The following UGT1A10 variants were observed in gnomAD, a reference collection of about 807,000 sequenced individuals.
The protein encoded by UGT1A10 is UDP-glucuronosyltransferase 1A10.
In UGT1A10, 49 loss-of-function variants were observed where a neutral mutation model predicts 45.8. That is an observed-to-expected ratio of 1.07 (90% CI 0.85 to 1.36). UGT1A10 has a LOEUF of 1.36. Among genes scored for constraint, UGT1A10 ranks in the 40% most tolerant of loss-of-function variants. The probability of loss-of-function intolerance (pLI) is 0.00; values close to 1 mark genes in which losing one functional copy is unlikely to be tolerated. For missense variants in UGT1A10, 745 were observed against 668.6 expected, an observed-to-expected ratio of 1.11 and a Z score of -1.26; for synonymous variants, 284 against 249.7, an observed-to-expected ratio of 1.14 and a Z score of -1.29.
chr2:233,640,645 T>C (rs959768162), intron 1 of UGT1A10, among the ~76,000 whole-genome samples: 13 of 152,160 alleles, frequency 8.5e-5, no homozygotes, highest in African/African-American at 2.9e-4. Flanking sequence ...GAACAGTCTC[T>C]TTTTTAGGCT....
At chr2:233,771,134 C>T (rs1700244933) in intron 4 of UGT1A10, 1 of 152,302 alleles carries the variant, frequency 6.6e-6, no homozygotes, top group Admixed American at 6.5e-5. Flanking sequence ...CCCCATGATC[C>T]AAACACCTCC....
intron 1 of UGT1A10, among the ~76,000 whole-genome samples, chr2:233,698,291 T>A (rs1387346717): frequency 6.6e-6 from 1 of 152,168 alleles, no homozygotes; most frequent in East Asian, 1.9e-4. Flanking sequence ...TGAAAAAAAA[T>A]GTGTCTTTGG....
intron 1 of UGT1A10, chr2:233,671,769 T>G: frequency 7.3e-7 from 1 of 1,368,374 alleles, no homozygotes; most frequent in Non-Finnish European, 9.6e-7. Flanking sequence ...GCTACTCATA[T>G]ATTCTTGTTC....
At chr2:233,747,217 G>T in intron 1 of UGT1A10, 3 of 1,605,392 alleles carry the variant, frequency 1.9e-6, no homozygotes, top group Non-Finnish European at 1.7e-6. Flanking sequence ...TGCTGAGATG[G>T]CCACAGGACC....
At chr2:233,747,833 C>T (rs1236031323) in intron 1 of UGT1A10, 1 of 1,613,530 alleles carries the variant, frequency 6.2e-7, no homozygotes, top group Non-Finnish European at 8.5e-7. Context: ...ACATGACATT[C>T]CTGCAAAGGG....
chr2:233,729,440 A>G (rs2077859052), intron 1 of UGT1A10: 2 of 1,613,960 alleles, frequency 1.2e-6, no homozygotes, highest in Non-Finnish European at 1.7e-6. Context: ...GAAACAGAAC[A>G]TTTTCTGAAG....
intron 1 of UGT1A10, chr2:233,750,470 T>A (rs1412262508): frequency 6.6e-6 from 1 of 151,972 alleles, no homozygotes; most frequent in Non-Finnish European, 1.5e-5. Context: ...AAATACTGGC[T>A]ATAGAAATTT....
chr2:233,697,431 T>C (rs2075390196), intron 1 of UGT1A10, among the ~76,000 whole-genome samples: 1 of 152,048 alleles, frequency 6.6e-6, no homozygotes, highest in African/African-American at 2.4e-5. Flanking sequence ...TGTTTCCTTT[T>C]TCATTTCTGA....
At chr2:233,724,602 G>A (rs1229954806) in intron 1 of UGT1A10, among the ~76,000 whole-genome samples, 3 of 135,486 alleles carry the variant, frequency 2.2e-5, no homozygotes, top group Admixed American at 7.3e-5. Flanking sequence ...CAGACGATGG[G>A]CGGCCGGGCA....
chr2:233,682,856 C>A, intron 1 of UGT1A10: 1 of 1,534,046 alleles, frequency 6.5e-7, no homozygotes, highest in Non-Finnish European at 8.7e-7. Flanking sequence ...AGATTTCTTA[C>A]AGAATCATAA....
At chr2:233,683,301 A>C (rs1326202137) in intron 1 of UGT1A10, among the ~76,000 whole-genome samples, 1 of 152,134 alleles carries the variant, frequency 6.6e-6, no homozygotes, top group Non-Finnish European at 1.5e-5. Flanking sequence ...TTTACAGGTC[A>C]ATGCATACAG....
At chr2:233,729,480 C>A in intron 1 of UGT1A10, 2 of 1,614,162 alleles carry the variant, frequency 1.2e-6, no homozygotes. Flanking sequence ...CAATGTTGAA[C>A]AATATGTCTT....
At chr2:233,724,171 C>T (rs1472955249) in intron 1 of UGT1A10, among the ~76,000 whole-genome samples, 39 of 91,410 alleles carry the variant, frequency 4.3e-4, no homozygotes, top group South Asian at 7.8e-4. Context: ...CTGACCCCCC[C>T]ATCTCCCTCC....
chr2:233,689,881 G>A (rs781112072), intron 1 of UGT1A10: 21 of 456,480 alleles, frequency 4.6e-5, no homozygotes, highest in Non-Finnish European at 7.1e-5. Flanking sequence ...CTTATCAAGT[G>A]CCTTATTTAT....
At chr2:233,705,268 G>T (rs545521237) in intron 1 of UGT1A10, among the ~76,000 whole-genome samples, 50 of 152,210 alleles carry the variant, frequency 3.3e-4, no homozygotes, top group African/African-American at 1.1e-3. Flanking sequence ...GGGGTCACTT[G>T]CTTTCAACCT....
intron 1 of UGT1A10, among the ~76,000 whole-genome samples, chr2:233,673,196 C>A (rs983904286): frequency 6.6e-6 from 1 of 152,142 alleles, no homozygotes; most frequent in Non-Finnish European, 1.5e-5. Flanking sequence ...TGTAAATTCT[C>A]ACACCTATTT....
At chr2:233,763,737 C>T (rs1348809742) in intron 1 of UGT1A10, among the ~76,000 whole-genome samples, 2 of 152,090 alleles carry the variant, frequency 1.3e-5, no homozygotes, top group East Asian at 1.9e-4. Context: ...CTGGCATTGG[C>T]GTGTCTTTGG....
chr2:233,718,430 G>A (rs972830919), intron 1 of UGT1A10, among the ~76,000 whole-genome samples: 1 of 152,312 alleles, frequency 6.6e-6, no homozygotes, highest in Admixed American at 6.5e-5. Context: ...CATGTGGTTG[G>A]GGACTAGGGC....
chr2:233,746,259 AC>A (rs1176427332), intron 1 of UGT1A10, among the ~76,000 whole-genome samples: 1 of 151,746 alleles, frequency 6.6e-6, no homozygotes, highest in African/African-American at 2.4e-5. Context: ...GCAGAACAGA[AC>A]AAAACGCTGT....
Sources: allele counts gnomAD v4.1 joint callset (sites outside exome capture counted in the v4.1 genomes callset), GRCh38; gene constraint gnomAD v4.1.1; transcripts MANE v1.5; gene names NCBI Gene and HGNC (gene_info 2026-07-23, HGNC 2026-07-21).